The following DCAF8L2 variants were observed in gnomAD, a reference collection of about 807,000 sequenced individuals.
DCAF8L2 encodes DDB1- and CUL4-associated factor 8-like protein 2.
For synonymous variants in DCAF8L2, 200 were observed against 190.9 expected (o/e 1.05, Z -0.39); for missense variants, 430 against 490.7 (o/e 0.88, Z 1.17).
At chrX:27,630,182 A>G (rs754008834) in intron 1 of DCAF8L2, among the ~76,000 whole-genome samples, 2 of 111,972 alleles carry the variant, frequency 1.8e-5, no homozygotes, top group Non-Finnish European at 3.8e-5. Flanking sequence ...TTTAAAAACT[A>G]GTTCTAATAT....
At chrX:27,551,861 T>A in the DCAF8L2 span, among the ~76,000 whole-genome samples, 1 of 111,989 alleles carries the variant, frequency 8.9e-6, no homozygotes, top group Non-Finnish European at 1.9e-5. Context: ...ATAGTTTAAT[T>A]GTTGGATCAT....
At chrX:27,571,668 A>T in the DCAF8L2 span, among the ~76,000 whole-genome samples, 1 of 111,748 alleles carries the variant, frequency 8.9e-6, no homozygotes, top group Non-Finnish European at 1.9e-5. Flanking sequence ...CTGAATATGG[A>T]ATAAGTAATA....
chrX:27,702,050 GAGAAAATAATTTTA>G (rs1391184493), intron 3 of DCAF8L2, among the ~76,000 whole-genome samples: 4 of 110,972 alleles, frequency 3.6e-5, no homozygotes, highest in African/African-American at 1.3e-4. Context: ...CCTTAGATAC[GAGAAAATAATTTTA>G]AGAAAATAAT....
At chrX:27,547,847 C>CTCTT in the DCAF8L2 span, among the ~76,000 whole-genome samples, 2 of 37,701 alleles carry the variant, frequency 5.3e-5, no homozygotes, top group African/African-American at 4.3e-4. Context: ...CTCTCTCTTT[C>CTCTT]TCTCTCTCTC....
the DCAF8L2 span, among the ~76,000 whole-genome samples, chrX:27,498,898 G>A: frequency 1.5e-4 from 17 of 111,853 alleles, no homozygotes; most frequent in African/African-American, 5.5e-4. Flanking sequence ...TCTTTAGGCT[G>A]AATAATATTC....
the DCAF8L2 span, among the ~76,000 whole-genome samples, chrX:27,571,474 T>A: frequency 4.7e-4 from 53 of 111,981 alleles, no homozygotes; most frequent in Admixed American, 3.8e-4. Context: ...CCTCAATAAT[T>A]CTGGCATTGC....
At chrX:27,606,360 T>A (rs1226621854) in intron 1 of DCAF8L2, among the ~76,000 whole-genome samples, 3 of 68,140 alleles carry the variant, frequency 4.4e-5, no homozygotes, top group Non-Finnish European at 7.5e-5. Context: ...TATCTAGGAA[T>A]ATATATATAT....
At chrX:27,512,066 C>G in the DCAF8L2 span, among the ~76,000 whole-genome samples, 1 of 110,276 alleles carries the variant, frequency 9.1e-6, no homozygotes, top group Non-Finnish European at 1.9e-5. Context: ...GAGTTTGAGA[C>G]CAACCTGGGC....
At chrX:27,624,626 A>G (rs760911939) in intron 1 of DCAF8L2, among the ~76,000 whole-genome samples, 2 of 111,729 alleles carry the variant, frequency 1.8e-5, no homozygotes, top group East Asian at 2.8e-4. Context: ...TGCAATAACC[A>G]AAACAACATG....
chrX:27,716,897 C>T (rs371908562), intron 4 of DCAF8L2, among the ~76,000 whole-genome samples: 1 of 111,099 alleles, frequency 9.0e-6, no homozygotes, highest in African/African-American at 3.3e-5. Flanking sequence ...ACCCCACCCC[C>T]GACAGGCTGC....
At chrX:27,581,300 TCA>T in the DCAF8L2 span, among the ~76,000 whole-genome samples, 1 of 112,239 alleles carries the variant, frequency 8.9e-6, no homozygotes, top group Non-Finnish European at 1.9e-5. Flanking sequence ...GTCAAAATTC[TCA>T]GTTTTACTTT....
the DCAF8L2 span, among the ~76,000 whole-genome samples, chrX:27,509,723 A>G: frequency 8.0e-5 from 9 of 111,839 alleles, no homozygotes; most frequent in Admixed American, 8.6e-4. Context: ...TTTGCTTACA[A>G]CAAAATGTAA....
At chrX:27,528,133 A>C in the DCAF8L2 span, among the ~76,000 whole-genome samples, 95 of 90,513 alleles carry the variant, frequency 1.0e-3, 1 homozygote, top group African/African-American at 3.4e-3. Context: ...AATTATAATT[A>C]AATTATTAAA....
At chrX:27,621,712 G>A (rs1602666462) in intron 1 of DCAF8L2, among the ~76,000 whole-genome samples, 1 of 111,841 alleles carries the variant, frequency 8.9e-6, no homozygotes, top group South Asian at 3.7e-4. Context: ...AAGATGCTGG[G>A]GCAGGCACTG....
the DCAF8L2 span, among the ~76,000 whole-genome samples, chrX:27,573,780 C>T: frequency 0.17 from 18,332 of 110,432 alleles, 1,249 homozygotes; most frequent in East Asian, 0.36. Flanking sequence ...CTATTTGAAC[C>T]TTGGGTCACC....
the DCAF8L2 span, among the ~76,000 whole-genome samples, chrX:27,567,757 G>A: frequency 9.3e-6 from 1 of 107,719 alleles, no homozygotes; most frequent in Non-Finnish European, 1.9e-5. Flanking sequence ...GAAGAAAGCA[G>A]AAGCAAAGAA....
rs1467258740 is a variant in DCAF8L2 at position 27,660,283 on chromosome X, C to CA, written c.-219-17550dup. Among the ~76,000 whole-genome samples the CA allele has an allele frequency of 2.7e-5, 3 of 112,200 alleles. No individual in the cohort carries two copies. In the East Asian group the frequency reaches 8.4e-4, roughly 31 times the overall value. On this transcript the variant is annotated intron_variant, in intron 2 of 4. Coordinates refer to ENST00000451261, the MANE Select transcript of DCAF8L2 (RefSeq NM_001353450.2). The stretch of plus-strand genomic sequence containing the variant: ...AGGTGATCCACCTGTCTCGGTCTCC[C>CA]AAAGTGCTGAGATTACAGGTGTGAG...
intron 2 of DCAF8L2, among the ~76,000 whole-genome samples, chrX:27,665,769 AG>A (rs1252785634): frequency 8.9e-6 from 1 of 112,091 alleles, no homozygotes; most frequent in African/African-American, 3.2e-5. Context: ...ACCAGCAAAA[AG>A]ATCATGACTC....
the DCAF8L2 span, among the ~76,000 whole-genome samples, chrX:27,529,573 A>C: frequency 8.9e-6 from 1 of 111,857 alleles, no homozygotes; most frequent in Non-Finnish European, 1.9e-5. Context: ...AGAATGAAAA[A>C]AGTATAGAAA....
Sources: gnomAD v4.1 joint callset for allele counts (sites outside exome capture counted in the v4.1 genomes callset) on GRCh38, gnomAD v4.1.1 for gene constraint, MANE v1.5 for transcripts, NCBI Gene and HGNC (gene_info 2026-07-23, HGNC 2026-07-21) for gene names.